LMAN2L: variants seen among roughly 807,000 people sequenced by gnomAD.
The protein encoded by LMAN2L is VIP36-like protein.
In LMAN2L, 30 loss-of-function variants were observed where a neutral mutation model predicts 44.3. That is an observed-to-expected ratio of 0.68 (90% confidence interval 0.51 to 0.92). The LOEUF is 0.92. Among genes scored for constraint, LMAN2L ranks in the 40% least tolerant of loss-of-function variants. LMAN2L has a pLI of 0.00. For missense variants in LMAN2L, 429 were observed against 446.1 expected, an observed-to-expected ratio of 0.96 and a Z score of 0.35; for synonymous variants, 183 against 171.1, an observed-to-expected ratio of 1.07 and a Z score of -0.54.
At chr2:96,714,311 G>A (rs930889516) in intron 4 of LMAN2L, among the ~76,000 whole-genome samples, 2 of 152,204 alleles carry the variant, frequency 1.3e-5, no homozygotes, top group South Asian at 2.1e-4. Context: ...CACAGCTTGT[G>A]AGAAGAGGCT....
intron 4 of LMAN2L, among the ~76,000 whole-genome samples, chr2:96,726,528 AT>A (rs1403230363): frequency 1.3e-5 from 2 of 152,150 alleles, no homozygotes; most frequent in African/African-American, 4.8e-5. Flanking sequence ...CACGCCTGTA[AT>A]CCCAGCACTT....
rs1289232650 is a variant in LMAN2L, at chr2:96,734,529, A to C, written c.307-3T>G. On this transcript the variant is annotated splice_polypyrimidine_tract_variant and splice_region_variant and intron_variant, in intron 2 of 7. Transcript: ENST00000264963. ...TCCCAGTCTCTCAGGAAACATGGCT[A>C]AAGTGAGAAAGACATTAGAATCAAT... The C allele has an allele frequency of 6.4e-7, 1 of 1,553,464 alleles. No homozygotes were observed. The highest frequency in any genetic ancestry group is 1.1e-5 in the South Asian group (1 of 89,886).
At position 96,711,751 on chromosome 2, in the gene LMAN2L, C is replaced by T. The variant is rs757292172; in HGVS notation, c.689G>A (p.Gly230Asp). The change falls in exon 6 of 8, where the codon GGC (glycine) becomes GAC (aspartate). Residue 230 changes from glycine to aspartate, a missense_variant. Coordinates refer to ENST00000264963, the MANE Select transcript of LMAN2L (RefSeq NM_030805.4). ...RHLTIMMDID[G>D]KHEWRDCIEV... Reference sequence around the variant, plus strand: ...AATGCAGTCCCTCCACTCATGCTTGCCATCAATATCCATCATTATCTAGAA... The same window carrying T: ...AATGCAGTCCCTCCACTCATGCTTGTCATCAATATCCATCATTATCTAGAA... 3 of 1,614,096 alleles carry T rather than the reference C, an allele frequency of 1.9e-6. No homozygotes were observed. Among genetic ancestry groups the T allele is most frequent in the Non-Finnish European group, 8.5e-7 (1 of 1,179,942 alleles).
At position 96,739,996 on chromosome 2, in the gene LMAN2L, C is replaced by G; in HGVS notation, c.45G>C (p.Arg15=). 6.2e-7 allele frequency: 1 copy of G among 1,613,646 alleles called. No individual in the cohort carries two copies. The highest frequency in any genetic ancestry group is 1.1e-5 in the South Asian group (1 of 91,076). The change falls in exon 1 of 8, where the codon CGG becomes CGC. Residue 15 remains arginine, a synonymous_variant. Coordinates refer to ENST00000264963, the MANE Select transcript of LMAN2L (RefSeq NM_030805.4). ...ACCCATCCCGAGCCGACAAACATCGCCGCCACTGCTGCCACGACCCAAGGG... is the reference window on the plus strand; with the variant it reads ...ACCCATCCCGAGCCGACAAACATCGGCGCCACTGCTGCCACGACCCAAGGG... ...LGPLGSWQQW[R]RCLSARDGSR... is the part of the protein sequence containing the mutation.
intron 2 of LMAN2L, 90 bp from the exon 3 acceptor site, chr2:96,734,616 CA>C: frequency 2.4e-6 from 2 of 818,466 alleles, no homozygotes; most frequent in Non-Finnish European, 4.3e-6. Context: ...TTGGAAAACA[CA>C]AATGCAGGTA....
At chr2:96,711,599 T>C (rs1331383792) in intron 6 of LMAN2L, 57 bp downstream of exon 6, 1 of 1,130,996 alleles carries the variant, frequency 8.8e-7, no homozygotes, top group East Asian at 2.4e-5. Context: ...CTCAATGAAG[T>C]GTGGGTATTG....
At chr2:96,723,296 ATGCTCAGCC>A (rs1444786476) in intron 4 of LMAN2L, among the ~76,000 whole-genome samples, 14 of 152,290 alleles carry the variant, frequency 9.2e-5, no homozygotes, top group Admixed American at 2.0e-4. Context: ...ATGGCTGATG[ATGCTCAGCC>A]TCTTTTCAAG....
chr2:96,719,122 T>C (rs1031356577), intron 4 of LMAN2L, among the ~76,000 whole-genome samples: 3 of 152,188 alleles, frequency 2.0e-5, no homozygotes, highest in Non-Finnish European at 4.4e-5. Context: ...TATGTCTTTA[T>C]TTCACTGCTG....
intron 4 of LMAN2L, among the ~76,000 whole-genome samples, chr2:96,716,050 T>C (rs1368214590): frequency 2.0e-5 from 3 of 152,222 alleles, no homozygotes; most frequent in Non-Finnish European, 1.5e-5. Flanking sequence ...ACAAATATCG[T>C]TCACAGGTAC....
At position 96,711,315 on chromosome 2, in the gene LMAN2L, G is replaced by A. The variant is rs573896337; in HGVS notation, c.784+341C>T. Among the ~76,000 whole-genome samples, 22 of 152,324 alleles carry A rather than the reference G, an allele frequency of 1.4e-4. No homozygotes were observed. In the East Asian group the frequency reaches 4.2e-3, roughly 29 times the overall value. ...CAAAGTCAAGGAAAAGCTTTGTTAA[G>A]GAAGGGGAACGGGGAACATTAGTGG... On this transcript the variant is annotated intron_variant, in intron 6 of 7. Transcript: ENST00000264963.
chr2:96,738,619 G>A (rs903460479), intron 1 of LMAN2L, among the ~76,000 whole-genome samples: 2 of 152,088 alleles, frequency 1.3e-5, no homozygotes, highest in African/African-American at 4.8e-5. Flanking sequence ...GAAACTGCAT[G>A]AGCCATGATT....
At chr2:96,707,926 G>A in intron 6 of LMAN2L, 93 bp from the exon 7 acceptor site, 2 of 1,316,158 alleles carry the variant, frequency 1.5e-6, no homozygotes, top group Non-Finnish European at 2.1e-6. Flanking sequence ...CTGATCCACA[G>A]CTAACCAGCA....
rs1309273388 is a variant in LMAN2L, at chr2:96,712,002, G to A, written c.531C>T (p.Ala177=). The A allele has an allele frequency of 2.5e-6, 4 of 1,614,104 alleles. No individual in the cohort carries two copies. The highest frequency in any genetic ancestry group is 1.6e-4 in the Middle Eastern group (1 of 6,084). The change falls in exon 5 of 8, where the codon GCC becomes GCT. Residue 177 remains alanine, a synonymous_variant. Transcript: ENST00000264963. ...AGCTGAGGGAGCCGTTGTTCACCAT[G>A]GCTGAGATGTAGGGGAATACCCGCT... ...QQERVFPYIS[A]MVNNGSLSYD...
rs201928060 is a variant in LMAN2L, at chr2:96,707,696, G to T, written c.904+18C>A. On this transcript the variant is annotated intron_variant, in intron 7 of 7. Coordinates refer to ENST00000264963, the MANE Select transcript of LMAN2L (RefSeq NM_030805.4). ...CTCCCCAACTATGGGACCATTTCCC[G>T]CGGGCCCCTGTGCTCACTCTCAGGC... is the stretch of plus-strand genomic sequence containing the variant. The T allele has an allele frequency of 3.8e-5, 62 of 1,613,526 alleles. No individual in the cohort carries two copies. Among genetic ancestry groups the T allele is most frequent in the Non-Finnish European group, 5.1e-5 (60 of 1,179,822 alleles).
At chr2:96,728,461 G>A (rs1371134399) in intron 4 of LMAN2L, among the ~76,000 whole-genome samples, 2 of 138,638 alleles carry the variant, frequency 1.4e-5, no homozygotes, top group Admixed American at 7.5e-5. Context: ...AGCTGAGATC[G>A]CACCACTGCA....
chr2:96,726,232 C>A (rs2078268845), intron 4 of LMAN2L, among the ~76,000 whole-genome samples: 1 of 151,032 alleles, frequency 6.6e-6, no homozygotes, highest in African/African-American at 2.4e-5. Context: ...ATCCTTCAAC[C>A]TTGCTAAATT....
rs747707143 is a variant in LMAN2L at position 96,734,404 on chromosome 2, A to G, written c.424+5T>C. 6.4e-7 allele frequency: 1 copy of G among 1,560,246 alleles called. No individual in the cohort carries two copies. The highest frequency in any genetic ancestry group is 2.2e-5 in the East Asian group (1 of 44,642). ...CCACACAAGAGTAACACAGGCTCCC[A>G]ATACCTGGCTGCATCCGATCCTTTG... is the stretch of plus-strand genomic sequence containing the variant. On this transcript the variant is annotated splice_donor_5th_base_variant and intron_variant, in intron 3 of 7. Transcript: ENST00000264963.
intron 1 of LMAN2L, 136 bp downstream of exon 1, chr2:96,739,717 AG>A: frequency 1.2e-6 from 1 of 841,082 alleles, no homozygotes; most frequent in Non-Finnish European, 1.9e-6. Flanking sequence ...CCAAACGCGG[AG>A]GGAGTCTCCG....
intron 4 of LMAN2L, among the ~76,000 whole-genome samples, chr2:96,716,545 G>A (rs1373237357): frequency 6.6e-6 from 1 of 152,202 alleles, no homozygotes; most frequent in East Asian, 1.9e-4. Flanking sequence ...GAACTAAGAT[G>A]TTTGCAAAAT....
Sources: allele counts gnomAD v4.1 joint callset (sites outside exome capture counted in the v4.1 genomes callset), GRCh38; gene constraint gnomAD v4.1.1; transcripts MANE v1.5; gene names NCBI Gene and HGNC (gene_info 2026-07-23, HGNC 2026-07-21).